ADGRG7: variants seen among roughly 807,000 people sequenced by gnomAD.
The protein encoded by ADGRG7 is adhesion G protein-coupled receptor G7.
In ADGRG7, 82 loss-of-function variants were observed where a neutral mutation model predicts 88.6. That is an observed-to-expected ratio of 0.93 (90% confidence interval 0.77 to 1.11). The LOEUF is 1.11. Among genes scored for constraint, ADGRG7 ranks in the 50% most tolerant of loss-of-function variants. The pLI is 0.00. For missense variants in ADGRG7, 945 were observed against 953.4 expected, an observed-to-expected ratio of 0.99 and a Z score of 0.12; for synonymous variants, 381 against 345.2, an observed-to-expected ratio of 1.10 and a Z score of -1.15.
At chr3:100,628,391 A>G (rs916248915) in intron 1 of ADGRG7, among the ~76,000 whole-genome samples, 2 of 146,314 alleles carry the variant, frequency 1.4e-5, no homozygotes, top group African/African-American at 5.2e-5. Context: ...TTTTGAGATT[A>G]CTGTGTCACC....
intron 11 of ADGRG7, among the ~76,000 whole-genome samples, chr3:100,653,540 C>G (rs2094932671): frequency 6.6e-6 from 1 of 152,152 alleles, no homozygotes; most frequent in Non-Finnish European, 1.5e-5. Context: ...CATAAGCTTG[C>G]AAATCTACAG....
chr3:100,692,189 A>G (rs1484411354), intron 15 of ADGRG7, among the ~76,000 whole-genome samples: 1 of 152,200 alleles, frequency 6.6e-6, no homozygotes, highest in Non-Finnish European at 1.5e-5. Context: ...TGCTACCACC[A>G]TATTTAATGC....
At chr3:100,680,827 C>T (rs2094972442) in intron 15 of ADGRG7, among the ~76,000 whole-genome samples, 1 of 152,006 alleles carries the variant, frequency 6.6e-6, no homozygotes, top group Non-Finnish European at 1.5e-5. Context: ...CTTATTTTTG[C>T]TTTAGATATG....
intron 1 of ADGRG7, among the ~76,000 whole-genome samples, chr3:100,616,660 A>G (rs1258240249): frequency 6.6e-6 from 1 of 152,102 alleles, no homozygotes; most frequent in African/African-American, 2.4e-5. Context: ...AACACAAAAT[A>G]TTATTTCAAA....
At chr3:100,678,288 A>T (rs2094968327) in intron 15 of ADGRG7, among the ~76,000 whole-genome samples, 1 of 151,846 alleles carries the variant, frequency 6.6e-6, no homozygotes, top group Admixed American at 6.6e-5. Context: ...TAATTATTTC[A>T]ATCTGTTTGT....
intron 1 of ADGRG7, among the ~76,000 whole-genome samples, chr3:100,611,747 G>C (rs1319103815): frequency 6.6e-6 from 1 of 152,200 alleles, no homozygotes; most frequent in African/African-American, 2.4e-5. Context: ...GGTTCTCACT[G>C]TCATTTAAAG....
rs1348421391 is a variant in ADGRG7, at chr3:100,645,957, C to T, written c.959C>T (p.Thr320Ile). The T allele has an allele frequency of 6.2e-7, 1 of 1,613,678 alleles. No individual in the cohort carries two copies. ...LLNMTKNYTKTCGFVVYQNDK... is the reference protein window; with the variant it reads ...LLNMTKNYTKICGFVVYQNDK... ...TTTCTCCCTATAGATTACACCAAGA[C>T]ATGCGGCTTTGTAGTTTATCAAAAT... Residue 320 changes from threonine to isoleucine, a missense_variant, in exon 9 of 16, where the codon ACA becomes ATA. Thr to Ile is a moderately conservative substitution (Grantham distance 89). Coordinates refer to ENST00000273352, the MANE Select transcript of ADGRG7 (RefSeq NM_032787.3).
At chr3:100,683,378 C>T (rs532918855) in intron 15 of ADGRG7, among the ~76,000 whole-genome samples, 1 of 152,302 alleles carries the variant, frequency 6.6e-6, no homozygotes, top group Admixed American at 6.5e-5. Context: ...AGGGTTGTGA[C>T]ACTCTCTTTA....
chr3:100,643,528 G>C lies in ADGRG7; in HGVS notation c.841G>C (p.Ala281Pro). 6.2e-7 allele frequency: 1 copy of C among 1,612,618 alleles called. No homozygotes were observed. Among genetic ancestry groups the C allele is most frequent in the East Asian group, 2.2e-5 (1 of 44,862 alleles). The change falls in exon 8 of 16, where the codon GCT becomes CCT. Residue 281 changes from alanine to proline, a missense_variant and splice_region_variant. By Grantham distance (27) the Ala-to-Pro change is conservative. Coordinates refer to ENST00000273352, the MANE Select transcript of ADGRG7 (RefSeq NM_032787.3). ...TTCTACTCTTTCCCTTCTCATAGGA[G>C]CTAGCAGTTCTCTAGTTTCTAGTTC... is the stretch of plus-strand genomic sequence containing the variant. ...SNVRFSVQKGASSSLVSSSTF... is the reference protein window; with the variant it reads ...SNVRFSVQKGPSSSLVSSSTF...
intron 1 of ADGRG7, among the ~76,000 whole-genome samples, chr3:100,612,119 C>T (rs1707163124): frequency 6.6e-6 from 1 of 151,920 alleles, no homozygotes; most frequent in South Asian, 2.1e-4. Flanking sequence ...AGAATCACTC[C>T]AGGCTGGAGT....
chr3:100,651,063 A>G (rs1275406009), intron 11 of ADGRG7, among the ~76,000 whole-genome samples: 1 of 152,198 alleles, frequency 6.6e-6, no homozygotes, highest in Non-Finnish European at 1.5e-5. Flanking sequence ...TTCTCCAAAG[A>G]GCCAGAATTG....
chr3:100,629,558 A>G (rs760320084), intron 1 of ADGRG7, 40 bp from the exon 2 acceptor site: 8 of 1,400,670 alleles, frequency 5.7e-6, no homozygotes, highest in Non-Finnish European at 8.1e-6. Context: ...GAAATGAATC[A>G]GCCAGTTCAT....
intron 1 of ADGRG7, among the ~76,000 whole-genome samples, chr3:100,620,630 C>G (rs1707297916): frequency 6.6e-6 from 1 of 152,050 alleles, no homozygotes; most frequent in Non-Finnish European, 1.5e-5. Context: ...GTTGTCAACC[C>G]AGAATTCCTA....
chr3:100,620,455 C>T (rs1707295232), intron 1 of ADGRG7, among the ~76,000 whole-genome samples: 1 of 152,160 alleles, frequency 6.6e-6, no homozygotes, highest in Non-Finnish European at 1.5e-5. Flanking sequence ...TAACATCATA[C>T]TGAATGGGCA....
intron 15 of ADGRG7, among the ~76,000 whole-genome samples, chr3:100,675,155 G>A (rs1245134529): frequency 6.6e-6 from 1 of 152,114 alleles, no homozygotes; most frequent in Non-Finnish European, 1.5e-5. Flanking sequence ...GTGAAAGTGG[G>A]CATCCTTTTT....
chr3:100,677,149 TCTC>T (rs1402449432), intron 15 of ADGRG7, among the ~76,000 whole-genome samples: 1 of 152,094 alleles, frequency 6.6e-6, no homozygotes, highest in African/African-American at 2.4e-5. Flanking sequence ...TGTTTTCTGG[TCTC>T]CTCTTCTTTT....
At chr3:100,691,409 C>T (rs1030127748) in intron 15 of ADGRG7, among the ~76,000 whole-genome samples, 22 of 152,110 alleles carry the variant, frequency 1.4e-4, no homozygotes, top group Non-Finnish European at 1.6e-4. Context: ...GAGATGAACC[C>T]GGTACCTCAG....
chr3:100,659,948 G>C, intron 14 of ADGRG7, 105 bp downstream of exon 14: 1 of 1,099,350 alleles, frequency 9.1e-7, no homozygotes, highest in Non-Finnish European at 1.3e-6. Flanking sequence ...CTGAGACAAT[G>C]GCAGGGCTAC....
At chr3:100,637,180 C>T (rs536125436) in intron 5 of ADGRG7, 122 bp from the exon 6 acceptor site, 2 of 651,096 alleles carry the variant, frequency 3.1e-6, no homozygotes, top group Non-Finnish European at 5.4e-6. Flanking sequence ...TTGTAAAATG[C>T]TTCCCTCTAC....
Sources: allele counts gnomAD v4.1 joint callset (sites outside exome capture counted in the v4.1 genomes callset), GRCh38; gene constraint gnomAD v4.1.1; transcripts MANE v1.5; gene names NCBI Gene and HGNC (gene_info 2026-07-23, HGNC 2026-07-21).